The following DOCK2 variants were observed in gnomAD, a reference collection of about 807,000 sequenced individuals.
The protein encoded by DOCK2 is dedicator of cytokinesis protein 2.
DOCK2 carries 87 observed loss-of-function variants against 248.9 expected under a neutral mutation model. The observed-to-expected ratio is 0.35, with a 90% CI of 0.29 to 0.42. DOCK2 has a LOEUF of 0.42. DOCK2 is among the 10% of genes least tolerant of loss of function. The pLI is 1.00. For missense variants in DOCK2, 1,747 were observed against 2,300.2 expected (o/e 0.76, Z 4.92); for synonymous variants, 805 against 821.6 (o/e 0.98, Z 0.35).
chr5:169,785,689 A>G (rs1765947128), intron 25 of DOCK2, among the ~76,000 whole-genome samples: 1 of 152,140 alleles, frequency 6.6e-6, no homozygotes, highest in African/African-American at 2.4e-5. Context: ...GCTATGATTT[A>G]GTTATCCAGG....
intron 1 of DOCK2, among the ~76,000 whole-genome samples, chr5:169,646,895 A>G (rs1401901299): frequency 1.3e-5 from 2 of 152,244 alleles, no homozygotes; most frequent in Non-Finnish European, 2.9e-5. Context: ...CAATTCTTAC[A>G]GTCTGTTCAG....
chr5:169,773,948 C>T (rs1765240090), intron 25 of DOCK2, among the ~76,000 whole-genome samples: 1 of 152,100 alleles, frequency 6.6e-6, no homozygotes, highest in Non-Finnish European at 1.5e-5. Context: ...CCTTTTGCCC[C>T]CTGCCATTAT....
At chr5:170,010,571 T>A (rs1464533200) in intron 32 of DOCK2, among the ~76,000 whole-genome samples, 2 of 152,194 alleles carry the variant, frequency 1.3e-5, no homozygotes, top group Non-Finnish European at 2.9e-5. Context: ...TGAAATGCAA[T>A]CCCAACGTTG....
At chr5:169,822,035 A>T (rs1252006813) in intron 26 of DOCK2, among the ~76,000 whole-genome samples, 1 of 152,262 alleles carries the variant, frequency 6.6e-6, no homozygotes, top group Admixed American at 6.5e-5. Flanking sequence ...CCATTACATA[A>T]TGGTAAAGGG....
intron 8 of DOCK2, among the ~76,000 whole-genome samples, chr5:169,688,431 T>A (rs77384393): frequency 0.022 from 3,332 of 152,338 alleles, 63 homozygotes; most frequent in East Asian, 0.072. Flanking sequence ...GAACTTTTCC[T>A]TTATACAGCC....
chr5:169,909,009 T>A (rs573922878), intron 27 of DOCK2, among the ~76,000 whole-genome samples: 1 of 152,206 alleles, frequency 6.6e-6, no homozygotes, highest in South Asian at 2.1e-4. Context: ...CTGGTGCTAT[T>A]TCTGTCATAA....
chr5:169,994,155 C>T (rs1778277597), intron 29 of DOCK2, among the ~76,000 whole-genome samples: 1 of 152,140 alleles, frequency 6.6e-6, no homozygotes, highest in South Asian at 2.1e-4. Context: ...CTAAAAGTTA[C>T]TCAAGTATGG....
In DOCK2 at chr5:169,899,221, T is replaced by C. The variant is rs1424317672; in HGVS notation, c.2799+58369T>C. Among the ~76,000 whole-genome samples, 3 of 152,182 alleles carry C rather than the reference T, an allele frequency of 2.0e-5. No individual in the cohort carries two copies. In the East Asian group the frequency reaches 5.8e-4, roughly 29 times the overall value. ...GCTGCTGAAGTGAACTAAACTGAAT[T>C]GAACCACAGCCTCCTTTTGCCTTCA... On this transcript the variant is annotated intron_variant, in intron 27 of 51. Coordinates refer to ENST00000520908, the MANE Select transcript of DOCK2 (RefSeq NM_004946.3).
intron 26 of DOCK2, among the ~76,000 whole-genome samples, chr5:169,805,750 C>G (rs1248281165): frequency 6.6e-6 from 1 of 152,206 alleles, no homozygotes; most frequent in Non-Finnish European, 1.5e-5. Flanking sequence ...CTTACACACC[C>G]TCGATACTTA....
intron 33 of DOCK2, 93 bp from the exon 34 acceptor site, chr5:170,027,770 G>C: frequency 8.7e-7 from 1 of 1,154,934 alleles, no homozygotes; most frequent in Non-Finnish European, 1.2e-6. Flanking sequence ...GATAAAGAGT[G>C]CTCCCTAAAG....
At chr5:169,761,427 G>C in intron 24 of DOCK2, 92 bp from the exon 25 acceptor site, 2 of 1,045,862 alleles carry the variant, frequency 1.9e-6, no homozygotes, top group Non-Finnish European at 2.9e-6. Flanking sequence ...GGGTTTCCCA[G>C]AGCTAGAGGT....
chr5:169,894,122 G>C (rs542713824), intron 27 of DOCK2, among the ~76,000 whole-genome samples: 177 of 152,282 alleles, frequency 1.2e-3, no homozygotes, highest in Middle Eastern at 6.8e-3. Flanking sequence ...AGTTTTCAAA[G>C]CATTTTTAGA....
At position 170,069,772 on chromosome 5, in the gene DOCK2, A is replaced by G. The variant is rs559031008; in HGVS notation, c.4728+552A>G. Among the ~76,000 whole-genome samples the G allele has an allele frequency of 7.9e-5, 12 of 151,752 alleles. No homozygotes were observed. The South Asian group carries it at 2.3e-3, about 29-fold the overall frequency. On this transcript the variant is annotated intron_variant, in intron 46 of 51. Coordinates refer to ENST00000520908, the MANE Select transcript of DOCK2 (RefSeq NM_004946.3). The stretch of plus-strand genomic sequence containing the variant: ...TCAGCCCACGGGCTTAGAAGTTACC[A>G]CCCTGCTGTTTCGGGCTGGCCACTT...
chr5:170,020,528 ATTAG>A (rs139980387), intron 33 of DOCK2, among the ~76,000 whole-genome samples: 4,524 of 152,348 alleles, frequency 0.03, 100 homozygotes, highest in Middle Eastern at 0.12. Flanking sequence ...TTTTCTATGT[ATTAG>A]TTCATGCAGT....
At chr5:169,655,770 C>A (rs1758076817) in intron 2 of DOCK2, among the ~76,000 whole-genome samples, 1 of 151,998 alleles carries the variant, frequency 6.6e-6, no homozygotes, top group South Asian at 2.1e-4. Context: ...GTAGATACAA[C>A]CAAAAAACAT....
chr5:170,079,440 C>T, intron 49 of DOCK2: 1 of 333,862 alleles, frequency 3.0e-6, no homozygotes, highest in Non-Finnish European at 5.8e-6. Context: ...GGGGAGAATC[C>T]ACCTGTTCTC....
chr5:169,690,823 T>G (rs1273014724), intron 9 of DOCK2, among the ~76,000 whole-genome samples: 1 of 152,196 alleles, frequency 6.6e-6, no homozygotes, highest in African/African-American at 2.4e-5. Flanking sequence ...TAATCCTGCC[T>G]TCATGGAATT....
chr5:170,045,468 G>C (rs1314115790), intron 38 of DOCK2, among the ~76,000 whole-genome samples: 1 of 152,156 alleles, frequency 6.6e-6, no homozygotes, highest in African/African-American at 2.4e-5. Flanking sequence ...GAGGCGTTTT[G>C]ACCCGGGACA....
intron 27 of DOCK2, among the ~76,000 whole-genome samples, chr5:169,971,335 G>T (rs750116120): frequency 9.9e-5 from 15 of 152,108 alleles, no homozygotes; most frequent in Non-Finnish European, 2.1e-4. Flanking sequence ...AGCTGGGTTG[G>T]CTATGCAGTG....
Sources: gnomAD v4.1 joint callset for allele counts (sites outside exome capture counted in the v4.1 genomes callset) on GRCh38, gnomAD v4.1.1 for gene constraint, MANE v1.5 for transcripts, NCBI Gene and HGNC (gene_info 2026-07-23, HGNC 2026-07-21) for gene names.